The following DLGAP2 variants were observed in gnomAD, a reference collection of about 807,000 sequenced individuals.
DLGAP2 encodes disks large-associated protein 2.
In DLGAP2, 26 loss-of-function variants were observed where a neutral mutation model predicts 100.3. The observed-to-expected ratio is 0.26, with a 90% CI of 0.19 to 0.36. The LOEUF is 0.36. Among genes scored for constraint, DLGAP2 ranks in the 10% least tolerant of loss-of-function variants. DLGAP2 has a pLI of 1.00. For synonymous variants in DLGAP2, 886 were observed against 630.1 expected (o/e 1.41, Z -6.08); for missense variants, 1,858 against 1,453.2 (o/e 1.28, Z -4.53).
intron 1 of DLGAP2, among the ~76,000 whole-genome samples, chr8:759,192 G>A (rs112648943): frequency 4.7e-4 from 46 of 98,308 alleles, no homozygotes; most frequent in Admixed American, 1.4e-3. Context: ...ACCCCCGACA[G>A]CCTTCCCATT....
At chr8:1,419,012 TG>T (rs1797016771) in intron 3 of DLGAP2, among the ~76,000 whole-genome samples, 1 of 152,204 alleles carries the variant, frequency 6.6e-6, no homozygotes, top group African/African-American at 2.4e-5. Context: ...AAGGGGCACA[TG>T]GGGCGAGGCA....
chr8:1,373,466 G>A (rs962574698), intron 3 of DLGAP2, among the ~76,000 whole-genome samples: 2 of 152,180 alleles, frequency 1.3e-5, no homozygotes, highest in Admixed American at 6.5e-5. Context: ...GCCGAGACCC[G>A]AATCCGGGAT....
intron 2 of DLGAP2, among the ~76,000 whole-genome samples, chr8:985,487 T>G (rs1800460326): frequency 6.6e-6 from 1 of 152,238 alleles, no homozygotes; most frequent in Non-Finnish European, 1.5e-5. Flanking sequence ...TCAAAGATGT[T>G]AATTTCCCTG....
chr8:1,518,800 T>C (rs1800485402), intron 4 of DLGAP2, among the ~76,000 whole-genome samples: 1 of 152,264 alleles, frequency 6.6e-6, no homozygotes, highest in African/African-American at 2.4e-5. Context: ...ATTTGCATTC[T>C]AGTCACTGTC....
At chr8:1,178,154 CT>C (rs1223217287) in intron 2 of DLGAP2, among the ~76,000 whole-genome samples, 3 of 152,220 alleles carry the variant, frequency 2.0e-5, no homozygotes, top group Non-Finnish European at 4.4e-5. Flanking sequence ...CCCCGGAGGA[CT>C]GCCTGAAGGC....
At chr8:936,644 T>A (rs1799078811) in intron 2 of DLGAP2, among the ~76,000 whole-genome samples, 1 of 152,088 alleles carries the variant, frequency 6.6e-6, no homozygotes, top group Non-Finnish European at 1.5e-5. Flanking sequence ...AGCTGGAGCC[T>A]AGTTGGAAGC....
chr8:1,536,244 C>G (rs1049319713), intron 4 of DLGAP2, among the ~76,000 whole-genome samples: 3 of 152,102 alleles, frequency 2.0e-5, no homozygotes, highest in African/African-American at 7.2e-5. Flanking sequence ...GGAAAGTCAC[C>G]TTCTTGGAGC....
At chr8:841,597 G>T (rs1796984955) in intron 1 of DLGAP2, among the ~76,000 whole-genome samples, 1 of 151,976 alleles carries the variant, frequency 6.6e-6, no homozygotes, top group South Asian at 2.1e-4. Flanking sequence ...TTGAGATGAG[G>T]TCTTGCTATA....
At chr8:1,007,325 A>C (rs1382032104) in intron 2 of DLGAP2, among the ~76,000 whole-genome samples, 1 of 152,218 alleles carries the variant, frequency 6.6e-6, no homozygotes, top group Non-Finnish European at 1.5e-5. Context: ...AGCCGCTCTC[A>C]GGTGCCCACG....
chr8:901,993 C>T (rs1451104901), intron 1 of DLGAP2, among the ~76,000 whole-genome samples: 3 of 152,190 alleles, frequency 2.0e-5, no homozygotes, highest in Non-Finnish European at 4.4e-5. Flanking sequence ...CTGGACCCCA[C>T]CTGTGAGGTT....
chr8:1,030,670 T>C (rs1194543212), intron 2 of DLGAP2, among the ~76,000 whole-genome samples: 1 of 152,242 alleles, frequency 6.6e-6, no homozygotes, highest in Non-Finnish European at 1.5e-5. Flanking sequence ...GAATGTGGGC[T>C]CTACCCTTTC....
chr8:1,465,941 G>A (rs1441452186), intron 3 of DLGAP2, among the ~76,000 whole-genome samples: 6 of 152,178 alleles, frequency 3.9e-5, no homozygotes. Context: ...CCTGCCTTGG[G>A]GAGAGAAAGG....
chr8:769,485 C>G (rs937691300), intron 1 of DLGAP2, among the ~76,000 whole-genome samples: 3 of 152,080 alleles, frequency 2.0e-5, no homozygotes, highest in Non-Finnish European at 4.4e-5. Flanking sequence ...AATAGAGAAT[C>G]CCCATGTAAT....
intron 2 of DLGAP2, among the ~76,000 whole-genome samples, chr8:1,244,834 T>G (rs1044594327): frequency 6.6e-6 from 1 of 152,174 alleles, no homozygotes; most frequent in Admixed American, 6.5e-5. Flanking sequence ...ATCAATAAAG[T>G]AAGAAGGAAA....
intron 3 of DLGAP2, among the ~76,000 whole-genome samples, chr8:1,267,935 A>G (rs1799502430): frequency 6.6e-6 from 1 of 152,162 alleles, no homozygotes; most frequent in Admixed American, 6.5e-5. Context: ...GGCTTCATGG[A>G]TGTCTGTTCT....
intron 4 of DLGAP2, among the ~76,000 whole-genome samples, chr8:1,518,255 CATTCTGGCCCTAATG>C (rs1204170340): frequency 1.3e-5 from 2 of 152,214 alleles, no homozygotes; most frequent in African/African-American, 2.4e-5. Flanking sequence ...TCCCAAATTG[CATTCTGGCCCTAATG>C]AAATCTGTCT....
intron 9 of DLGAP2, among the ~76,000 whole-genome samples, chr8:1,669,431 G>C (rs1402818227): frequency 6.6e-6 from 1 of 152,254 alleles, no homozygotes; most frequent in African/African-American, 2.4e-5. Context: ...TGTGATCTGG[G>C]TCAGGTAGCG....
At chr8:858,815 G>A (rs1490833630) in intron 1 of DLGAP2, among the ~76,000 whole-genome samples, 1 of 152,248 alleles carries the variant, frequency 6.6e-6, no homozygotes, top group Non-Finnish European at 1.5e-5. Context: ...GTGGCCACAT[G>A]CCACCGTGCA....
intron 2 of DLGAP2, among the ~76,000 whole-genome samples, chr8:1,125,571 G>C (rs945878447): frequency 6.6e-6 from 1 of 152,094 alleles, no homozygotes; most frequent in African/African-American, 2.4e-5. Flanking sequence ...ATTTCTTCTT[G>C]CGATCTAATC....
Sources: allele counts gnomAD v4.1 joint callset (sites outside exome capture counted in the v4.1 genomes callset), GRCh38; gene constraint gnomAD v4.1.1; transcripts MANE v1.5; gene names NCBI Gene and HGNC (gene_info 2026-07-23, HGNC 2026-07-21).